STIM1: variants seen among roughly 807,000 people sequenced by gnomAD.
The protein encoded by STIM1 is stromal interaction molecule 1.
Under a neutral mutation model 74.7 loss-of-function variants are expected in STIM1, and 25 were observed. The observed-to-expected ratio is 0.33, with a 90% confidence interval of 0.24 to 0.47. The LOEUF (loss-of-function observed/expected upper bound fraction) is 0.47, where lower values mean the gene tolerates loss of function less well. Among genes scored for constraint, STIM1 ranks in the 20% least tolerant of loss-of-function variants. STIM1 has a pLI of 1.00. For synonymous variants in STIM1, 328 were observed against 348.8 expected, an observed-to-expected ratio of 0.94 and a Z score of 0.66; for missense variants, 728 against 920.8, an observed-to-expected ratio of 0.79 and a Z score of 2.71.
At chr11:3,968,202 A>G (rs2093358194) in intron 2 of STIM1, among the ~76,000 whole-genome samples, 1 of 152,200 alleles carries the variant, frequency 6.6e-6, no homozygotes, top group Non-Finnish European at 1.5e-5. Flanking sequence ...CTAGATAGTA[A>G]GAGTTAAAGG....
At chr11:3,966,624 G>T (rs1474929838) in intron 1 of STIM1, among the ~76,000 whole-genome samples, 1 of 152,120 alleles carries the variant, frequency 6.6e-6, no homozygotes, top group African/African-American at 2.4e-5. Context: ...AAGGAAAGAG[G>T]AATTTTAGCA....
chr11:4,044,110 G>A (rs1241428533), intron 3 of STIM1, among the ~76,000 whole-genome samples: 2 of 149,730 alleles, frequency 1.3e-5, no homozygotes, highest in Non-Finnish European at 3.0e-5. Context: ...AGCCTTCTCT[G>A]ATTCGGTGTA....
At chr11:4,005,719 T>TA (rs1161377518) in intron 2 of STIM1, among the ~76,000 whole-genome samples, 1 of 152,134 alleles carries the variant, frequency 6.6e-6, no homozygotes, top group African/African-American at 2.4e-5. Flanking sequence ...CCCTAAAACT[T>TA]AAAGTATAAT....
chr11:3,901,064 G>T (rs1435940283), intron 1 of STIM1, among the ~76,000 whole-genome samples: 1 of 152,172 alleles, frequency 6.6e-6, no homozygotes, highest in African/African-American at 2.4e-5. Context: ...GGTGGTGTGC[G>T]CTTGTAGTCC....
chr11:3,856,523 C>A, intron 1 of STIM1, 114 bp downstream of exon 1: 1 of 1,299,176 alleles, frequency 7.7e-7, no homozygotes, highest in Non-Finnish European at 1.0e-6. Flanking sequence ...GGAGGATTCA[C>A]ACATGGCACT....
At chr11:4,051,154 G>C (rs1050580121) in intron 3 of STIM1, among the ~76,000 whole-genome samples, 20 of 152,032 alleles carry the variant, frequency 1.3e-4, no homozygotes, top group African/African-American at 4.8e-4. Flanking sequence ...AACCTGCATT[G>C]TTTAAAGGTG....
At chr11:3,959,643 C>G (rs891151862) in intron 1 of STIM1, among the ~76,000 whole-genome samples, 1 of 152,088 alleles carries the variant, frequency 6.6e-6, no homozygotes. Flanking sequence ...GAACAGTGAA[C>G]AGTGAATGAT....
chr11:3,991,950 C>CAAAAA (rs1230185435), intron 2 of STIM1, among the ~76,000 whole-genome samples: 8 of 36,678 alleles, frequency 2.2e-4, no homozygotes, highest in African/African-American at 5.4e-4. Flanking sequence ...AACTCCATCT[C>CAAAAA]AAAAAAAAAA....
intron 1 of STIM1, among the ~76,000 whole-genome samples, chr11:3,896,095 G>A (rs1018806936): frequency 2.6e-5 from 4 of 151,754 alleles, no homozygotes; most frequent in South Asian, 2.1e-4. Flanking sequence ...TAGTAGAGAC[G>A]GGGTTTCACC....
chr11:4,001,634 A>G (rs2093718516), intron 2 of STIM1, among the ~76,000 whole-genome samples: 1 of 152,224 alleles, frequency 6.6e-6, no homozygotes, highest in Admixed American at 6.5e-5. Context: ...GCAAAATCAT[A>G]CCAAAATGTA....
chr11:4,058,918 A>G lies in STIM1; in HGVS notation c.498-363A>G, dbSNP rs1279302329. Reference sequence around the variant, plus strand: ...GACATGACAGTTTGACCTGGGCTGCACAGGAAATGCATTTATAAATGGTAG... The same window carrying G: ...GACATGACAGTTTGACCTGGGCTGCGCAGGAAATGCATTTATAAATGGTAG... On this transcript the variant is annotated intron_variant, in intron 4 of 12. Transcript: ENST00000526596. 3 of 1,123,628 alleles carry G rather than the reference A, an allele frequency of 2.7e-6. No individual in the cohort carries two copies. In the African/African-American group the frequency reaches 4.8e-5, roughly 18 times the overall value. The allele number at this position is 1,123,628 out of a possible 1,614,324, so 69.6% of individuals were successfully genotyped here.
At chr11:3,969,428 A>C (rs896422968) in intron 2 of STIM1, among the ~76,000 whole-genome samples, 6 of 152,148 alleles carry the variant, frequency 3.9e-5, no homozygotes, top group Admixed American at 2.0e-4. Context: ...GCTGTGGTGC[A>C]CTATGATCAT....
intron 4 of STIM1, chr11:4,059,006 G>T (rs535085914): frequency 1.8e-6 from 2 of 1,115,878 alleles, no homozygotes; most frequent in East Asian, 9.5e-5. Flanking sequence ...AAATTTAGTT[G>T]GGTGTGGGAA....
At chr11:3,908,903 G>T (rs910483600) in intron 1 of STIM1, among the ~76,000 whole-genome samples, 11 of 152,198 alleles carry the variant, frequency 7.2e-5, no homozygotes, top group South Asian at 6.2e-4. Context: ...CCTGGAAAAA[G>T]GCCTTTGTGT....
chr11:3,924,538 G>T (rs1439253924), intron 1 of STIM1, among the ~76,000 whole-genome samples: 2 of 151,826 alleles, frequency 1.3e-5, no homozygotes, highest in African/African-American at 4.8e-5. Flanking sequence ...CTAAGTATTT[G>T]ATGTATTTTT....
Position 4,076,116 on chromosome 11 carries a change from C to CT in STIM1, c.969+1445dup, listed in dbSNP as rs545847732. Among the ~76,000 whole-genome samples the CT allele has an allele frequency of 1.6e-4, 24 of 151,670 alleles. No homozygotes were observed. In the East Asian group the frequency reaches 2.3e-3, roughly 15 times the overall value. ...AGAAAATATTTTCTCTCAGTCTTGA[C>CT]TTTTTTTTGCTTTATTGTCTTTTGA... On this transcript the variant is annotated intron_variant, in intron 7 of 12. Transcript: ENST00000526596.
chr11:3,862,881 C>T (rs2090678773), intron 1 of STIM1, among the ~76,000 whole-genome samples: 1 of 134,318 alleles, frequency 7.4e-6, no homozygotes, highest in South Asian at 2.2e-4. Context: ...CACACACACG[C>T]ACACACACAC....
chr11:4,081,071 G>A (rs915840108), intron 7 of STIM1, among the ~76,000 whole-genome samples: 1 of 152,096 alleles, frequency 6.6e-6, no homozygotes, highest in African/African-American at 2.4e-5. Flanking sequence ...GAATAAAGGT[G>A]TTCTGTCCCT....
chr11:3,857,581 T>A (rs2090436033), intron 1 of STIM1, among the ~76,000 whole-genome samples: 1 of 152,032 alleles, frequency 6.6e-6, no homozygotes, highest in Non-Finnish European at 1.5e-5. Context: ...AGATCAGTTC[T>A]CTTTTCCCAT....
Sources: allele counts gnomAD v4.1 joint callset (sites outside exome capture counted in the v4.1 genomes callset), GRCh38; gene constraint gnomAD v4.1.1; transcripts MANE v1.5; gene names NCBI Gene and HGNC (gene_info 2026-07-23, HGNC 2026-07-21).